DDX10: variants seen among roughly 807,000 people sequenced by gnomAD.
The protein encoded by DDX10 is DEAD-box helicase 10.
Under a neutral mutation model 104.3 loss-of-function variants are expected in DDX10, and 74 were observed. The ratio of observed to expected loss-of-function variants is 0.71; its 90% CI spans 0.59 to 0.86. The LOEUF is 0.86. DDX10 is among the 40% of genes least tolerant of loss of function. DDX10 has a pLI of 0.00. For missense variants in DDX10, 952 were observed against 1,040.0 expected (o/e 0.92, Z 1.16); for synonymous variants, 351 against 353.4 (o/e 0.99, Z 0.08).
chr11:108,749,658 A>T (rs1398928409), intron 13 of DDX10, among the ~76,000 whole-genome samples: 1 of 152,210 alleles, frequency 6.6e-6, no homozygotes, highest in African/African-American at 2.4e-5. Flanking sequence ...TTTAATGTGT[A>T]AAATTTGTCA....
intron 13 of DDX10, among the ~76,000 whole-genome samples, chr11:108,829,186 G>A (rs1181719677): frequency 2.0e-5 from 3 of 152,196 alleles, no homozygotes; most frequent in Admixed American, 1.3e-4. Flanking sequence ...ACTGTTTTCT[G>A]TAGTGGTTGT....
At chr11:108,782,064 A>C (rs2094378904) in intron 13 of DDX10, among the ~76,000 whole-genome samples, 1 of 152,180 alleles carries the variant, frequency 6.6e-6, no homozygotes, top group Non-Finnish European at 1.5e-5. Context: ...CATTTGTTTA[A>C]AGGCTTGCAG....
At chr11:108,715,729 T>C (rs552698512) in intron 10 of DDX10, 150 bp from the exon 11 acceptor site, 22 of 577,532 alleles carry the variant, frequency 3.8e-5, no homozygotes, top group Non-Finnish European at 6.3e-5. Flanking sequence ...GTCAAACTTA[T>C]GTCTAGTTTA....
At chr11:108,872,186 A>G (rs1863091711) in intron 16 of DDX10, among the ~76,000 whole-genome samples, 1 of 152,234 alleles carries the variant, frequency 6.6e-6, no homozygotes, top group Non-Finnish European at 1.5e-5. Context: ...AAACAATGGT[A>G]CAATATTATA....
chr11:108,725,077 T>C (rs2094303677), intron 13 of DDX10, among the ~76,000 whole-genome samples: 1 of 152,138 alleles, frequency 6.6e-6, no homozygotes. Flanking sequence ...GAATGATATA[T>C]AAATAGGATA....
chr11:108,738,197 A>G (rs1220227418), intron 13 of DDX10, among the ~76,000 whole-genome samples: 1 of 150,140 alleles, frequency 6.7e-6, no homozygotes, highest in Non-Finnish European at 1.5e-5. Flanking sequence ...GAGTAGGTAA[A>G]TTACTATTAA....
intron 11 of DDX10, 121 bp downstream of exon 11, chr11:108,716,087 AG>A (rs2094290934): frequency 3.0e-6 from 2 of 669,360 alleles, no homozygotes; most frequent in East Asian, 5.7e-5. Flanking sequence ...ATTTGCTGAC[AG>A]ATAAGTCTAG....
chr11:108,694,538 C>T (rs548025475), intron 9 of DDX10, among the ~76,000 whole-genome samples: 3 of 152,322 alleles, frequency 2.0e-5, no homozygotes, highest in Admixed American at 6.5e-5. Flanking sequence ...CCCACTTCCT[C>T]CCAAAAGTAT....
chr11:108,921,534 T>C (rs1429351289), intron 17 of DDX10: 4 of 152,344 alleles, frequency 2.6e-5, no homozygotes, highest in South Asian at 2.1e-4. Flanking sequence ...TACTCAGTAA[T>C]TGAGGCAATG....
chr11:108,838,398 AG>A, intron 13 of DDX10, 47 bp from the exon 14 acceptor site: 2 of 1,579,866 alleles, frequency 1.3e-6, no homozygotes, highest in Non-Finnish European at 1.7e-6. Flanking sequence ...GTTAATATAA[AG>A]CAACCATTTT....
intron 16 of DDX10, among the ~76,000 whole-genome samples, chr11:108,855,385 G>A (rs967866685): frequency 6.6e-6 from 1 of 152,170 alleles, no homozygotes; most frequent in Admixed American, 6.5e-5. Flanking sequence ...GAACAACAGT[G>A]CTGAAACTTG....
intron 13 of DDX10, among the ~76,000 whole-genome samples, chr11:108,790,797 G>A (rs542445685): frequency 3.3e-5 from 5 of 151,624 alleles, no homozygotes; most frequent in African/African-American, 9.7e-5. Flanking sequence ...TTACCTTAAG[G>A]TACCTCCCAC....
chr11:108,933,369 A>G (rs1482185904), intron 17 of DDX10, among the ~76,000 whole-genome samples: 2 of 150,140 alleles, frequency 1.3e-5, no homozygotes, highest in East Asian at 3.9e-4. Flanking sequence ...CTAAAGACAA[A>G]GCCCAGTCAG....
chr11:108,924,629 G>A (rs1322558238), intron 17 of DDX10, among the ~76,000 whole-genome samples: 1 of 152,140 alleles, frequency 6.6e-6, no homozygotes. Context: ...CTTTAAAAAT[G>A]ATCTCTTATG....
chr11:108,752,595 A>G (rs913105818), intron 13 of DDX10, among the ~76,000 whole-genome samples: 1 of 152,134 alleles, frequency 6.6e-6, no homozygotes, highest in Admixed American at 6.6e-5. Context: ...GATGAATGTC[A>G]TGAATCAGTT....
At chr11:108,930,156 A>G (rs1360657699) in intron 17 of DDX10, among the ~76,000 whole-genome samples, 2 of 152,146 alleles carry the variant, frequency 1.3e-5, no homozygotes, top group African/African-American at 4.8e-5. Flanking sequence ...TGCTCCACCT[A>G]TCTATCCTTC....
intron 9 of DDX10, among the ~76,000 whole-genome samples, chr11:108,702,039 G>T (rs1451470165): frequency 2.0e-5 from 3 of 151,988 alleles, no homozygotes; most frequent in African/African-American, 7.3e-5. Context: ...CCAAATATTT[G>T]TTGTGCATGT....
chr11:108,864,348 A>G (rs766458009), intron 16 of DDX10, among the ~76,000 whole-genome samples: 2 of 152,078 alleles, frequency 1.3e-5, no homozygotes, highest in African/African-American at 4.8e-5. Flanking sequence ...CATGCAGTAT[A>G]TATGTATAAT....
At chr11:108,853,369 A>T (rs1415950705) in intron 16 of DDX10, among the ~76,000 whole-genome samples, 1 of 152,190 alleles carries the variant, frequency 6.6e-6, no homozygotes, top group African/African-American at 2.4e-5. Flanking sequence ...AGCCCATTTT[A>T]TTTCACTAAG....
Sources: gnomAD v4.1 joint callset for allele counts (sites outside exome capture counted in the v4.1 genomes callset) on GRCh38, gnomAD v4.1.1 for gene constraint, MANE v1.5 for transcripts, NCBI Gene and HGNC (gene_info 2026-07-23, HGNC 2026-07-21) for gene names.